WDR70: variants seen among roughly 807,000 people sequenced by gnomAD.
WDR70 encodes the protein WD repeat-containing protein 70.
A neutral mutation model predicts 88.6 loss-of-function variants in WDR70; 53 were observed. The ratio of observed to expected loss-of-function variants is 0.60; its 90% CI spans 0.48 to 0.75. The LOEUF (loss-of-function observed/expected upper bound fraction) is 0.75. Ranked by LOEUF, WDR70 falls within the 30% of genes least tolerant of loss-of-function variation. The pLI is 0.00. For synonymous variants in WDR70, 280 were observed against 270.0 expected, an observed-to-expected ratio of 1.04 and a Z score of -0.36; for missense variants, 610 against 823.2, an observed-to-expected ratio of 0.74 and a Z score of 3.17.
chr5:37,723,508 A>G (rs1747885993), intron 15 of WDR70: 1 of 152,468 alleles, frequency 6.6e-6, no homozygotes, highest in Non-Finnish European at 1.5e-5. Context: ...AATCTGGCAG[A>G]TGTGTGTTCC....
At chr5:37,707,921 GAAAAAAAAAAAA>G (rs1187436953) in intron 13 of WDR70, among the ~76,000 whole-genome samples, 61 of 15,126 alleles carry the variant, frequency 4.0e-3, no homozygotes, top group South Asian at 0.011. Flanking sequence ...CTCAAAAAAA[GAAAAAAAAAAAA>G]AAAAAAAAAA....
At chr5:37,561,102 A>G (rs1013932779) in intron 9 of WDR70, among the ~76,000 whole-genome samples, 2 of 152,194 alleles carry the variant, frequency 1.3e-5, no homozygotes, top group African/African-American at 4.8e-5. Flanking sequence ...TTCCATGAAA[A>G]GCAGTCTACT....
intron 10 of WDR70, among the ~76,000 whole-genome samples, chr5:37,650,181 A>G (rs1031559965): frequency 2.1e-4 from 31 of 150,766 alleles, no homozygotes; most frequent in Non-Finnish European, 3.4e-4. Context: ...GTGGATCACG[A>G]GGTCAGGAGA....
intron 8 of WDR70, among the ~76,000 whole-genome samples, chr5:37,492,251 T>C (rs1246893282): frequency 2.0e-5 from 3 of 152,226 alleles, no homozygotes; most frequent in Admixed American, 6.5e-5. Flanking sequence ...TTTCTAGCCT[T>C]TTCCCGTTCC....
At chr5:37,461,669 G>C (rs184578190) in intron 7 of WDR70, among the ~76,000 whole-genome samples, 18 of 152,140 alleles carry the variant, frequency 1.2e-4, no homozygotes, top group African/African-American at 4.3e-4. Context: ...ATTTTTAGTA[G>C]AGATGGGGTT....
chr5:37,706,282 G>C (rs1047227413), intron 13 of WDR70, among the ~76,000 whole-genome samples: 3 of 152,102 alleles, frequency 2.0e-5, no homozygotes, highest in South Asian at 4.1e-4. Flanking sequence ...TTCACCATAC[G>C]ATGTTTGCAC....
chr5:37,588,203 A>G (rs1232739537), intron 9 of WDR70, among the ~76,000 whole-genome samples: 1 of 152,204 alleles, frequency 6.6e-6, no homozygotes, highest in Non-Finnish European at 1.5e-5. Flanking sequence ...AAACTATGCT[A>G]GATATTAAGA....
intron 9 of WDR70, among the ~76,000 whole-genome samples, chr5:37,534,259 A>G (rs2112313327): frequency 6.6e-6 from 1 of 152,296 alleles, no homozygotes; most frequent in Non-Finnish European, 1.5e-5. Context: ...CGCCATCTTA[A>G]AGTCCATTTA....
chr5:37,421,348 C>T (rs1047700540), intron 5 of WDR70, among the ~76,000 whole-genome samples: 11 of 152,220 alleles, frequency 7.2e-5, no homozygotes, highest in South Asian at 6.2e-4. Context: ...TTCCAGAATA[C>T]TTTTTCTTCT....
chr5:37,656,339 G>T (rs1036237710), intron 10 of WDR70, among the ~76,000 whole-genome samples: 1 of 152,178 alleles, frequency 6.6e-6, no homozygotes, highest in African/African-American at 2.4e-5. Flanking sequence ...AGGGGCACTT[G>T]CCAGATGCCA....
intron 7 of WDR70, among the ~76,000 whole-genome samples, chr5:37,451,436 C>A (rs1738674114): frequency 6.6e-6 from 1 of 152,072 alleles, no homozygotes. Flanking sequence ...TTACTGAATA[C>A]TTGAAATGTG....
chr5:37,383,647 T>C (rs1329862028), intron 3 of WDR70, among the ~76,000 whole-genome samples: 5 of 152,088 alleles, frequency 3.3e-5, no homozygotes, highest in African/African-American at 1.2e-4. Context: ...TGGTGCGATC[T>C]TGGCTCACTG....
At chr5:37,407,664 G>T (rs1040511852) in intron 5 of WDR70, among the ~76,000 whole-genome samples, 4 of 152,026 alleles carry the variant, frequency 2.6e-5, no homozygotes, top group Admixed American at 1.3e-4. Flanking sequence ...GCACACGTAG[G>T]CTATCTGTGC....
chr5:37,627,301 G>A (rs1744695677), intron 10 of WDR70, among the ~76,000 whole-genome samples: 1 of 152,010 alleles, frequency 6.6e-6, no homozygotes. Context: ...TGTTTCCCAG[G>A]AAACTTGAGA....
chr5:37,548,589 G>T (rs1431592330), intron 9 of WDR70, among the ~76,000 whole-genome samples: 4 of 151,974 alleles, frequency 2.6e-5, no homozygotes, highest in Non-Finnish European at 5.9e-5. Flanking sequence ...CCATTCTGTG[G>T]GTTGTCTCTT....
At chr5:37,649,978 C>T (rs1745352781) in intron 10 of WDR70, among the ~76,000 whole-genome samples, 2 of 110,968 alleles carry the variant, frequency 1.8e-5, no homozygotes, top group South Asian at 5.9e-4. Flanking sequence ...ACCTCATGAT[C>T]CACCCGCCTC....
chr5:37,538,930 T>C (rs1741739797), intron 9 of WDR70, among the ~76,000 whole-genome samples: 2 of 152,226 alleles, frequency 1.3e-5, no homozygotes, highest in African/African-American at 4.8e-5. Flanking sequence ...TGAATTGTAA[T>C]AGTGTACCAA....
chr5:37,410,292 G>C (rs985673643), intron 5 of WDR70, among the ~76,000 whole-genome samples: 3 of 151,180 alleles, frequency 2.0e-5, no homozygotes, highest in African/African-American at 7.3e-5. Flanking sequence ...GCCTGCCATG[G>C]CCTCCCAAAG....
At chr5:37,654,059 C>G (rs549211786) in intron 10 of WDR70, among the ~76,000 whole-genome samples, 25 of 152,194 alleles carry the variant, frequency 1.6e-4, no homozygotes, top group African/African-American at 6.0e-4. Context: ...TAGATGTTTC[C>G]CGCTTTCTCT....
Sources: gnomAD v4.1 joint callset for allele counts (sites outside exome capture counted in the v4.1 genomes callset) on GRCh38, gnomAD v4.1.1 for gene constraint, MANE v1.5 for transcripts, NCBI Gene and HGNC (gene_info 2026-07-23, HGNC 2026-07-21) for gene names.